CD96: variants seen among roughly 807,000 people sequenced by gnomAD.
CD96 encodes T-cell surface protein tactile.
In CD96, 70 loss-of-function variants were observed where a neutral mutation model predicts 71.3. The observed-to-expected ratio is 0.98, with a 90% CI of 0.81 to 1.20. The LOEUF (loss-of-function observed/expected upper bound fraction) is 1.20. CD96 is among the 50% of genes most tolerant of loss of function. CD96 has a pLI of 0.00. For synonymous variants in CD96, 248 were observed against 233.0 expected, an observed-to-expected ratio of 1.06 and a Z score of -0.59; for missense variants, 742 against 677.5, an observed-to-expected ratio of 1.10 and a Z score of -1.06.
At chr3:111,624,812 C>T (rs539882030) in intron 10 of CD96, among the ~76,000 whole-genome samples, 1 of 152,120 alleles carries the variant, frequency 6.6e-6, no homozygotes, top group Admixed American at 6.5e-5. Context: ...CTAGAAAATG[C>T]GTATCAGTAA....
intron 4 of CD96, 124 bp downstream of exon 4, chr3:111,579,358 T>G (rs1477655775): frequency 1.3e-6 from 1 of 743,252 alleles, no homozygotes; most frequent in South Asian, 1.4e-5. Context: ...CTGGAGTCTG[T>G]TTCCCTGGAT....
chr3:111,593,423 C>G, intron 5 of CD96: 1 of 1,248,764 alleles, frequency 8.0e-7, no homozygotes, highest in Admixed American at 2.9e-5. Flanking sequence ...ATACTGTGCA[C>G]TATTTCACAT....
At chr3:111,543,990 G>A (rs139327445) in intron 1 of CD96, among the ~76,000 whole-genome samples, 17 of 152,300 alleles carry the variant, frequency 1.1e-4, no homozygotes, top group African/African-American at 4.1e-4. Flanking sequence ...GGGCCTGGAT[G>A]CCTGAATTAA....
At chr3:111,548,786 A>ATAAGCTTGGTCTAAAACATGTTGT (rs1934546604) in intron 2 of CD96, among the ~76,000 whole-genome samples, 1 of 152,150 alleles carries the variant, frequency 6.6e-6, no homozygotes, top group South Asian at 2.1e-4. Flanking sequence ...TACAATGTTG[A>ATAAGCTTGGTCTAAAACATGTTGT]TAAGCTTGGT....
intron 3 of CD96, among the ~76,000 whole-genome samples, chr3:111,569,852 C>T (rs1359473531): frequency 1.3e-5 from 2 of 152,210 alleles, no homozygotes; most frequent in Non-Finnish European, 2.9e-5. Context: ...AATCGCTACC[C>T]CCAATCCAGA....
At chr3:111,625,302 A>G (rs1344627881) in intron 10 of CD96, among the ~76,000 whole-genome samples, 1 of 152,180 alleles carries the variant, frequency 6.6e-6, no homozygotes, top group South Asian at 2.1e-4. Context: ...ATTAATCATA[A>G]TATTTAATTC....
chr3:111,585,772 C>T (rs540762600), intron 5 of CD96, among the ~76,000 whole-genome samples: 10 of 152,182 alleles, frequency 6.6e-5, no homozygotes, highest in African/African-American at 9.7e-5. Flanking sequence ...CCTTTACCCA[C>T]TTTCCCATTG....
intron 6 of CD96, among the ~76,000 whole-genome samples, chr3:111,600,149 C>A (rs1380529429): frequency 6.6e-6 from 1 of 152,222 alleles, no homozygotes; most frequent in Non-Finnish European, 1.5e-5. Context: ...CCTACACTTA[C>A]AGCCAGGAGT....
intron 4 of CD96, among the ~76,000 whole-genome samples, chr3:111,581,641 T>C (rs1170196328): frequency 6.6e-6 from 1 of 152,210 alleles, no homozygotes. Context: ...CATCACAGGG[T>C]TCTGTTCCAC....
chr3:111,615,315 C>T (rs527894191), intron 8 of CD96, among the ~76,000 whole-genome samples: 2 of 152,150 alleles, frequency 1.3e-5, no homozygotes, highest in African/African-American at 4.8e-5. Context: ...GAAGCATTGG[C>T]CAAAGGTGAG....
chr3:111,616,826 C>A (rs1164047332), intron 8 of CD96, among the ~76,000 whole-genome samples: 1 of 152,112 alleles, frequency 6.6e-6, no homozygotes, highest in African/African-American at 2.4e-5. Flanking sequence ...CTTGGCAAGG[C>A]AGGAGCCCTG....
At chr3:111,551,553 C>A (rs532733889) in intron 2 of CD96, among the ~76,000 whole-genome samples, 45 of 152,096 alleles carry the variant, frequency 3.0e-4, no homozygotes, top group Non-Finnish European at 5.3e-4. Context: ...AGACATGGGA[C>A]CTTCTTTTTC....
At chr3:111,655,522 G>A (rs777668919), downstream of CD96, among the ~76,000 whole-genome samples, 1 of 152,066 alleles carries the variant, frequency 6.6e-6, no homozygotes, top group Non-Finnish European at 1.5e-5. Context: ...ACTTTTAAAG[G>A]CTTCAGAAAG....
chr3:111,564,720 G>C (rs1205641629), intron 2 of CD96, among the ~76,000 whole-genome samples: 1 of 151,986 alleles, frequency 6.6e-6, no homozygotes, highest in African/African-American at 2.4e-5. Flanking sequence ...ATCTTTATAG[G>C]TTATTCTATC....
At chr3:111,577,483 T>G in intron 3 of CD96, 1 of 1,576,096 alleles carries the variant, frequency 6.3e-7, no homozygotes, top group Admixed American at 1.7e-5. Context: ...TCCCTTCTTC[T>G]TTTGCTCTTC....
In CD96 at chr3:111,647,669, G is replaced by A; in HGVS notation, c.1601+3G>A. ...TGGTGTCAGTACCAAAAAGAAATGT[G>A]AGTATAATACTAACATATGTAGGAA... On this transcript the variant is annotated splice_donor_region_variant and intron_variant, in intron 13 of 13. Coordinates refer to ENST00000352690, the MANE Select transcript of CD96 (RefSeq NM_005816.5). 3.8e-6 allele frequency: 6 copies of A among 1,591,412 alleles called. No individual in the cohort carries two copies. Among genetic ancestry groups the A allele is most frequent in the Non-Finnish European group, 5.2e-6 (6 of 1,159,642 alleles).
intron 5 of CD96, chr3:111,595,378 T>G (rs1214234092): frequency 1.3e-5 from 2 of 152,164 alleles, no homozygotes; most frequent in Non-Finnish European, 2.9e-5. Context: ...GGATGTCTAT[T>G]AGCTGACTCC....
intron 7 of CD96, among the ~76,000 whole-genome samples, chr3:111,605,761 G>A (rs1349646650): frequency 6.6e-6 from 1 of 152,160 alleles, no homozygotes; most frequent in East Asian, 1.9e-4. Context: ...GGGGCTATGT[G>A]CTATCAAGTG....
At chr3:111,593,656 C>A (rs779821922) in intron 5 of CD96, 9 of 1,609,448 alleles carry the variant, frequency 5.6e-6, no homozygotes, top group Non-Finnish European at 7.6e-6. Flanking sequence ...TTTCCACCTC[C>A]TCCAGGGCTC....
Sources: allele counts gnomAD v4.1 joint callset (sites outside exome capture counted in the v4.1 genomes callset), GRCh38; gene constraint gnomAD v4.1.1; transcripts MANE v1.5; gene names NCBI Gene and HGNC (gene_info 2026-07-23, HGNC 2026-07-21).